FAN1: variants seen among roughly 807,000 people sequenced by gnomAD.
FAN1 encodes the protein FANCD2 and FANCI associated nuclease 1, also known as fanconi-associated nuclease 1.
In FAN1, 91 loss-of-function variants were observed where a neutral mutation model predicts 104.9. That is an observed-to-expected ratio of 0.87 (90% CI 0.73 to 1.03). FAN1 has a LOEUF of 1.03. Ranked by LOEUF, FAN1 falls within the 50% of genes least tolerant of loss-of-function variation. FAN1 has a pLI of 0.00. For synonymous variants in FAN1, 478 were observed against 457.6 expected (o/e 1.04, Z -0.57); for missense variants, 1,263 against 1,239.9 (o/e 1.02, Z -0.28).
chr15:30,920,340 T>G (rs2062296428), intron 6 of FAN1, among the ~76,000 whole-genome samples: 4 of 152,232 alleles, frequency 2.6e-5, no homozygotes, highest in Admixed American at 2.6e-4. Flanking sequence ...TGAGTTCTCA[T>G]CTTACTCCAC....
Position 30,929,236 on chromosome 15 carries a change from T to C in FAN1, c.2626T>C (p.Phe876Leu). ...FPLDLCTDSF[F>L]TSRRPALEAR... The stretch of plus-strand genomic sequence containing the variant: ...CCTGGACTTGTGCACAGACAGCTTC[T>C]TCACAAGCAGACGCCCAGCCCTTGA... Residue 876 changes from phenylalanine to leucine, a missense_variant, in exon 12 of 15, where the codon TTC becomes CTC. Phe to Leu is a conservative substitution (Grantham distance 22). Around this residue, in one of 2 missense-constraint regions of FAN1, gnomAD observed 581 missense variants for 668.8 expected, o/e 0.87. Coordinates refer to ENST00000362065, the MANE Select transcript of FAN1 (RefSeq NM_014967.5). 6.2e-7 allele frequency: 1 copy of C among 1,613,428 alleles called. No homozygotes were observed. The highest frequency in any genetic ancestry group is 1.1e-5 in the South Asian group (1 of 90,952).
chr15:30,934,096 C>G (rs1357545194), intron 13 of FAN1, among the ~76,000 whole-genome samples: 2 of 152,086 alleles, frequency 1.3e-5, no homozygotes, highest in East Asian at 1.9e-4. Context: ...TTTTGAAGGT[C>G]TGTTATAAGA....
intron 14 of FAN1, 61 bp downstream of exon 14, chr15:30,937,320 G>A: frequency 1.3e-6 from 2 of 1,492,546 alleles, no homozygotes; most frequent in Admixed American, 2.1e-5. Context: ...TATAAAACAT[G>A]TTTTATTTAA....
chr15:30,931,129 C>T (rs2062699618), intron 13 of FAN1, among the ~76,000 whole-genome samples: 1 of 152,190 alleles, frequency 6.6e-6, no homozygotes, highest in Admixed American at 6.5e-5. Context: ...CCTTGATGTG[C>T]TTAGTTCACA....
At chr15:30,920,103 A>G (rs930630892) in intron 6 of FAN1, among the ~76,000 whole-genome samples, 7 of 152,250 alleles carry the variant, frequency 4.6e-5, no homozygotes, top group African/African-American at 1.7e-4. Flanking sequence ...AGCCACAAGA[A>G]GTACGTATGC....
intron 8 of FAN1, 126 bp downstream of exon 8, chr15:30,922,480 C>A: frequency 2.0e-6 from 2 of 1,012,654 alleles, no homozygotes; most frequent in Non-Finnish European, 2.9e-6. Context: ...TAACATTCTT[C>A]TTTTGTCTGT....
rs1232212239 is a variant in FAN1, at chr15:30,943,010, A to G, written c.*1448A>G. 1.3e-6 allele frequency: 2 copies of G among 1,552,040 alleles called. No individual in the cohort carries two copies. The highest frequency in any genetic ancestry group is 4.9e-5 in the East Asian group (2 of 41,024). On this transcript the variant is annotated 3_prime_UTR_variant, in exon 15 of 15. Coordinates refer to ENST00000362065, the MANE Select transcript of FAN1 (RefSeq NM_014967.5). ...CTGTAAACTGGAGAGACCAGTCCCAAACAGAGGGGAATTTTAAGCCCTTCT... is the reference window on the plus strand; with the variant it reads ...CTGTAAACTGGAGAGACCAGTCCCAGACAGAGGGGAATTTTAAGCCCTTCT...
rs920446793 is a variant in FAN1, at chr15:30,928,326, A to G, written c.2489-227A>G. 7 of 1,295,970 alleles carry G rather than the reference A, an allele frequency of 5.4e-6. No homozygotes were observed. In the Admixed American group the frequency reaches 1.1e-4, roughly 21 times the overall value. The allele number at this position is 1,295,970 out of a possible 1,614,324, so 80.3% of individuals were successfully genotyped here. A position where few individuals can be genotyped will look rare whatever the true frequency, so the allele number is the denominator to read the frequency against. On this transcript the variant is annotated intron_variant, in intron 10 of 14. Coordinates refer to ENST00000362065, the MANE Select transcript of FAN1 (RefSeq NM_014967.5). ...TTGAAATGTTCATTTGAATTTTTCTATGATTACTAAGATTTTTGCCCTTAA... is the reference window on the plus strand; with the variant it reads ...TTGAAATGTTCATTTGAATTTTTCTGTGATTACTAAGATTTTTGCCCTTAA...
At chr15:30,911,712 T>C (rs1286184386) in intron 4 of FAN1, 1 of 916,132 alleles carries the variant, frequency 1.1e-6, no homozygotes, top group Non-Finnish European at 1.3e-6. Flanking sequence ...ATTGTATTTC[T>C]TAAGTATTTG....
Position 30,904,502 on chromosome 15 carries a change from C to T in FAN1, c.-152-10C>T, listed in dbSNP as rs750883961. ...AAATGTTTTTAATTTATATGTGTTT[C>T]TTCTTGTAGGAAGAAGAAATTGTCG... On this transcript the variant is annotated splice_polypyrimidine_tract_variant and intron_variant, in intron 1 of 14. Transcript: ENST00000362065. 3.8e-6 allele frequency: 3 copies of T among 781,278 alleles called. No individual in the cohort carries two copies. In the South Asian group the frequency reaches 4.3e-5, roughly 11 times the overall value. The allele number at this position is 781,278 out of a possible 1,614,324, so 48.4% of individuals were successfully genotyped here.
Position 30,925,946 on chromosome 15 carries a change from G to A in FAN1, c.2488+7G>A, listed in dbSNP as rs1481305979. The A allele has an allele frequency of 1.2e-6, 2 of 1,613,938 alleles. No homozygotes were observed. The highest frequency in any genetic ancestry group is 1.7e-6 in the Non-Finnish European group (2 of 1,179,886). On this transcript the variant is annotated splice_region_variant and intron_variant, in intron 10 of 14. Transcript: ENST00000362065. ...CGCAGCGGTTTTGACCAGGGTAACTGAGCAGGCTTTCTCTTGTGGCACCCA... is the reference window on the plus strand; with the variant it reads ...CGCAGCGGTTTTGACCAGGGTAACTAAGCAGGCTTTCTCTTGTGGCACCCA...
intron 14 of FAN1, among the ~76,000 whole-genome samples, chr15:30,937,825 T>C (rs1016625809): frequency 4.0e-5 from 6 of 151,866 alleles, no homozygotes; most frequent in Admixed American, 2.0e-4. Flanking sequence ...ATCTATATGA[T>C]TAGATGTGCA....
chr15:30,939,952 G>A, intron 14 of FAN1: 1 of 984,122 alleles, frequency 1.0e-6, no homozygotes, highest in Non-Finnish European at 1.2e-6. Flanking sequence ...AAGAACTCCT[G>A]TCCTGTTATA....
At position 30,942,277 on chromosome 15, in the gene FAN1, T is replaced by TA; in HGVS notation, c.*716dup. The TA allele has an allele frequency of 3.0e-6, 2 of 656,614 alleles. No individual in the cohort carries two copies. Among genetic ancestry groups the TA allele is most frequent in the South Asian group, 4.1e-5 (2 of 49,252 alleles). The allele number at this position is 656,614 out of a possible 1,614,324, so 40.7% of individuals were successfully genotyped here. ...TATGTGTTGACTCTACCTAGGCTGT[T>TA]ACTATCAGCCTGAATGGGGGCGGGA... On this transcript the variant is annotated 3_prime_UTR_variant, in exon 15 of 15. Coordinates refer to ENST00000362065, the MANE Select transcript of FAN1 (RefSeq NM_014967.5).
At position 30,905,856 on chromosome 15, in the gene FAN1, A is replaced by T; in HGVS notation, c.1193A>T (p.Glu398Val). Reference protein sequence around the residue: ...ENEDDMLLFDEQEKGIVTKFY... With the variant: ...ENEDDMLLFDVQEKGIVTKFY... ...GAAGATGATATGTTGCTCTTTGATG[A>T]GCAGGAGAAGGGAATTGTAACTAAA... is the stretch of plus-strand genomic sequence containing the variant. The change falls in exon 2 of 15, where the codon GAG becomes GTG. Residue 398 changes from glutamate to valine, a missense_variant. Transcript: ENST00000362065. The T allele has an allele frequency of 6.2e-7, 1 of 1,613,950 alleles. No homozygotes were observed. The highest frequency in any genetic ancestry group is 8.5e-7 in the Non-Finnish European group (1 of 1,179,802).
intron 2 of FAN1, 96 bp downstream of exon 2, chr15:30,905,993 G>T (rs2061970814): frequency 1.7e-6 from 2 of 1,176,688 alleles, no homozygotes; most frequent in East Asian, 4.7e-5. Context: ...TGACCGCAAG[G>T]AGTCACTGTG....
intron 13 of FAN1, among the ~76,000 whole-genome samples, chr15:30,934,108 G>A (rs567637769): frequency 6.6e-6 from 1 of 152,058 alleles, no homozygotes; most frequent in African/African-American, 2.4e-5. Context: ...GTTATAAGAC[G>A]CATAGACTTT....
intron 4 of FAN1, among the ~76,000 whole-genome samples, 179 bp from the exon 5 acceptor site, chr15:30,913,679 C>T (rs527736878): frequency 5.9e-5 from 9 of 152,192 alleles, no homozygotes; most frequent in Non-Finnish European, 1.0e-4. Flanking sequence ...TGGAGATGTA[C>T]ATTCATTTAC....
At chr15:30,908,343 G>A in intron 3 of FAN1, 85 bp downstream of exon 3, 1 of 1,207,386 alleles carries the variant, frequency 8.3e-7, no homozygotes, top group Non-Finnish European at 1.1e-6. Flanking sequence ...TTATTATGGT[G>A]CCCTCCCCGG....
Sources: gnomAD v4.1 joint callset for allele counts (sites outside exome capture counted in the v4.1 genomes callset) on GRCh38, gnomAD v4.1.1 for gene constraint, gnomAD v4.1.1 regional missense constraint, MANE v1.5 for transcripts, NCBI Gene and HGNC (gene_info 2026-07-23, HGNC 2026-07-21) for gene names.